MNAT1: variants seen among roughly 807,000 people sequenced by gnomAD.
The protein encoded by MNAT1 is MNAT1 component of CDK activating kinase, also known as CDK-activating kinase assembly factor MAT1.
MNAT1 carries 43 observed loss-of-function variants against 42.0 expected under a neutral mutation model. The ratio of observed to expected loss-of-function variants is 1.02; its 90% confidence interval spans 0.80 to 1.32. The LOEUF (loss-of-function observed/expected upper bound fraction) is 1.32, where lower values mean the gene tolerates loss of function less well. Among genes scored for constraint, MNAT1 ranks in the 40% most tolerant of loss-of-function variants. The pLI is 0.00. For missense variants in MNAT1, 306 were observed against 350.4 expected (o/e 0.87, Z 1.01); for synonymous variants, 118 against 120.0 (o/e 0.98, Z 0.11).
chr14:60,831,213 T>C (rs1308935839), intron 6 of MNAT1, among the ~76,000 whole-genome samples: 1 of 151,876 alleles, frequency 6.6e-6, no homozygotes, highest in Non-Finnish European at 1.5e-5. Flanking sequence ...TGGAGGTAAG[T>C]TCTTGGGATA....
chr14:60,955,227 A>T (rs1268449565), intron 7 of MNAT1, among the ~76,000 whole-genome samples: 3 of 152,190 alleles, frequency 2.0e-5, no homozygotes, highest in African/African-American at 7.2e-5. Flanking sequence ...CTCATAAAAT[A>T]AGCTTGGAAG....
At chr14:60,942,003 CAAAAAAAAAAAAA>C (rs3080602) in intron 7 of MNAT1, among the ~76,000 whole-genome samples, 7 of 29,944 alleles carry the variant, frequency 2.3e-4, no homozygotes, top group East Asian at 2.1e-3. Flanking sequence ...GGCTCCATCT[CAAAAAAAAAAAAA>C]AAAAAAAAAA....
rs544657557 is a variant in MNAT1 at position 60,747,280 on chromosome 14, T to A, written c.89+12329T>A. On this transcript the variant is annotated intron_variant, in intron 1 of 7. Transcript: ENST00000261245. The stretch of plus-strand genomic sequence containing the variant: ...ATTACAGGCGTGAGCCAATGCGCCC[T>A]GCCCAAAATTATGTCTTAATGATGG... Among the ~76,000 whole-genome samples the A allele has an allele frequency of 6.6e-5, 10 of 152,108 alleles. No individual in the cohort carries two copies. The South Asian group carries it at 8.3e-4, about 13-fold the overall frequency.
At chr14:60,933,614 G>A (rs1400915465) in intron 7 of MNAT1, among the ~76,000 whole-genome samples, 2 of 152,130 alleles carry the variant, frequency 1.3e-5, no homozygotes, top group Non-Finnish European at 2.9e-5. Flanking sequence ...TTAAGAAAAT[G>A]AGATGTCCTT....
intron 3 of MNAT1, among the ~76,000 whole-genome samples, chr14:60,807,606 T>C (rs577946264): frequency 1.3e-5 from 2 of 152,144 alleles, no homozygotes; most frequent in South Asian, 4.1e-4. Flanking sequence ...GTAACTTTGA[T>C]TTACATATGG....
chr14:60,745,265 A>G (rs1739199440), intron 1 of MNAT1, among the ~76,000 whole-genome samples: 1 of 152,126 alleles, frequency 6.6e-6, no homozygotes, highest in Non-Finnish European at 1.5e-5. Context: ...AAACAGTTGT[A>G]TTATGCACTT....
chr14:60,765,644 A>G (rs1448254333), intron 1 of MNAT1, among the ~76,000 whole-genome samples: 9 of 152,224 alleles, frequency 5.9e-5, no homozygotes, highest in African/African-American at 9.6e-5. Context: ...AAATTAAAAA[A>G]CAATAGAGCT....
Position 60,909,135 on chromosome 14 carries a change from G to C in MNAT1, c.809+29300G>C, listed in dbSNP as rs1015830770. ...ATAAATCTCTTCTTTTGAGAAGTGT[G>C]TGTTCATATCCTTCACCCACTTTTT... On this transcript the variant is annotated intron_variant, in intron 7 of 7. Transcript: ENST00000261245. Among the ~76,000 whole-genome samples the C allele has an allele frequency of 1.5e-4, 23 of 152,236 alleles. No individual in the cohort carries two copies. In the East Asian group the frequency reaches 4.1e-3, roughly 27 times the overall value.
At chr14:60,957,103 G>A (rs988623618) in intron 7 of MNAT1, among the ~76,000 whole-genome samples, 15 of 152,058 alleles carry the variant, frequency 9.9e-5, no homozygotes, top group South Asian at 6.2e-4. Flanking sequence ...TTTGTGATTT[G>A]ATGATTTTCT....
chr14:60,786,180 T>C (rs2031645043), intron 1 of MNAT1, among the ~76,000 whole-genome samples: 1 of 152,072 alleles, frequency 6.6e-6, no homozygotes, highest in Non-Finnish European at 1.5e-5. Flanking sequence ...TTATAGTGAT[T>C]CTTTAAAAGG....
At chr14:60,937,188 C>G (rs1377547342) in intron 7 of MNAT1, among the ~76,000 whole-genome samples, 1 of 152,114 alleles carries the variant, frequency 6.6e-6, no homozygotes. Context: ...CCTGTTCACT[C>G]TGATGGTAGT....
intron 7 of MNAT1, among the ~76,000 whole-genome samples, chr14:60,917,413 T>A (rs1481322903): frequency 1.3e-5 from 2 of 152,140 alleles, no homozygotes; most frequent in Non-Finnish European, 2.9e-5. Flanking sequence ...TATTAGAAAA[T>A]TTAACAGATT....
At chr14:60,846,181 T>C (rs1007074338) in intron 6 of MNAT1, among the ~76,000 whole-genome samples, 1 of 152,020 alleles carries the variant, frequency 6.6e-6, no homozygotes, top group African/African-American at 2.4e-5. Context: ...TTCTTTTTCC[T>C]TCATTCCTTG....
chr14:60,909,162 A>G (rs2035285897), intron 7 of MNAT1, among the ~76,000 whole-genome samples: 2 of 151,920 alleles, frequency 1.3e-5, no homozygotes, highest in Admixed American at 1.3e-4. Flanking sequence ...CCACTTTTTG[A>G]TGGGGTTTTT....
intron 1 of MNAT1, among the ~76,000 whole-genome samples, chr14:60,755,876 A>G (rs900257160): frequency 1.3e-5 from 2 of 152,194 alleles, no homozygotes; most frequent in Non-Finnish European, 1.5e-5. Context: ...CAGCAGAGTG[A>G]CATCTCTCAT....
chr14:60,745,721 C>T (rs1896593048), intron 1 of MNAT1, among the ~76,000 whole-genome samples: 1 of 152,202 alleles, frequency 6.6e-6, no homozygotes, highest in Non-Finnish European at 1.5e-5. Flanking sequence ...TGAGCTGTTG[C>T]GCCCGGCCCC....
At chr14:60,771,787 C>T (rs1420476039) in intron 1 of MNAT1, among the ~76,000 whole-genome samples, 3 of 152,126 alleles carry the variant, frequency 2.0e-5, no homozygotes, top group African/African-American at 7.2e-5. Flanking sequence ...GGGCAGGGAT[C>T]ATTGTTTTGC....
chr14:60,949,382 A>G (rs1444682168), intron 7 of MNAT1, among the ~76,000 whole-genome samples: 1 of 152,186 alleles, frequency 6.6e-6, no homozygotes, highest in Non-Finnish European at 1.5e-5. Flanking sequence ...CTTTCTTTTA[A>G]CCTTTTAAAG....
chr14:60,881,793 T>G (rs2034557326), intron 7 of MNAT1, among the ~76,000 whole-genome samples: 1 of 152,120 alleles, frequency 6.6e-6, no homozygotes, highest in African/African-American at 2.4e-5. Context: ...AAGAATCCAA[T>G]TATATTATTT....
Sources: allele counts gnomAD v4.1 joint callset (sites outside exome capture counted in the v4.1 genomes callset), GRCh38; gene constraint gnomAD v4.1.1; transcripts MANE v1.5; gene names NCBI Gene and HGNC (gene_info 2026-07-23, HGNC 2026-07-21).